Variants in NSRP1 observed in about 807,000 individuals in gnomAD.
NSRP1 encodes the protein nuclear speckle splicing regulatory protein 1.
NSRP1 carries 24 observed loss-of-function variants against 54.7 expected under a neutral mutation model. The ratio of observed to expected loss-of-function variants is 0.44; its 90% CI spans 0.32 to 0.62. The LOEUF is 0.62. Among genes scored for constraint, NSRP1 ranks in the 20% least tolerant of loss-of-function variants. The probability of loss-of-function intolerance (pLI) is 0.06; values close to 1 mark genes in which losing one functional copy is unlikely to be tolerated. For synonymous variants in NSRP1, 210 were observed against 213.8 expected (o/e 0.98, Z 0.15); for missense variants, 596 against 651.2 (o/e 0.92, Z 0.92).
At chr17:30,121,570 G>GTTTTTTTTTTTTTTTT (rs36072997) in intron 2 of NSRP1, among the ~76,000 whole-genome samples, 1 of 132,788 alleles carries the variant, frequency 7.5e-6, no homozygotes, top group Admixed American at 7.7e-5. Context: ...GTGTGTGTGT[G>GTTTTTTTTTTTTTTTT]TTTTTTTTTT....
chr17:30,172,913 C>CAGAA (rs1328511669), intron 3 of NSRP1, among the ~76,000 whole-genome samples: 3 of 151,086 alleles, frequency 2.0e-5, no homozygotes, highest in Non-Finnish European at 4.4e-5. Context: ...CTCATCTGCC[C>CAGAA]AGAAAGAAGA....
At chr17:30,172,014 T>TCTCTCTCTCTCTCTCTCTCTCACA (rs144705088) in intron 2 of NSRP1, among the ~76,000 whole-genome samples, 10 of 131,170 alleles carry the variant, frequency 7.6e-5, no homozygotes, top group Non-Finnish European at 1.3e-4. Context: ...TCTCTCTCTC[T>TCTCTCTCTCTCTCTCTCTCTCACA]CACATGTTCA....
chr17:30,147,454 G>GGTTTTGTTT (rs2071866861), intron 2 of NSRP1, among the ~76,000 whole-genome samples: 2 of 150,618 alleles, frequency 1.3e-5, no homozygotes, highest in African/African-American at 4.9e-5. Flanking sequence ...TTGGTTGGTT[G>GGTTTTGTTT]GTTTTGTTTG....
intron 2 of NSRP1, among the ~76,000 whole-genome samples, chr17:30,171,972 A>ACACACACTCT (rs1169988659): frequency 2.1e-5 from 1 of 46,584 alleles, no homozygotes; most frequent in Non-Finnish European, 5.3e-5. Context: ...ACACACACAC[A>ACACACACTCT]CTCCCTCTCT....
intron 2 of NSRP1, among the ~76,000 whole-genome samples, chr17:30,119,664 G>A (rs1296661155): frequency 1.3e-5 from 2 of 151,948 alleles, no homozygotes; most frequent in Non-Finnish European, 2.9e-5. Flanking sequence ...CACCACGCCT[G>A]GCTAATTCTT....
intron 5 of NSRP1, among the ~76,000 whole-genome samples, chr17:30,180,330 T>G (rs1905253181): frequency 6.6e-6 from 1 of 151,958 alleles, no homozygotes; most frequent in Admixed American, 6.6e-5. Context: ...ATAATTTTTA[T>G]ATTTTTATAG....
At chr17:30,162,146 T>C (rs964957350) in intron 2 of NSRP1, among the ~76,000 whole-genome samples, 2 of 151,750 alleles carry the variant, frequency 1.3e-5, no homozygotes, top group Non-Finnish European at 2.9e-5. Flanking sequence ...TGCCTCAGCC[T>C]CCCAAGTAGC....
At chr17:30,155,440 A>G (rs75586728) in intron 2 of NSRP1, among the ~76,000 whole-genome samples, 3,536 of 152,300 alleles carry the variant, frequency 0.023, 133 homozygotes, top group African/African-American at 0.081. Context: ...CCAATTCTAG[A>G]AAATTACCAG....
rs150361776 is a variant in NSRP1 at position 30,151,643 on chromosome 17, G to A, written c.115-20899G>A. On this transcript the variant is annotated intron_variant, in intron 2 of 6. Coordinates refer to ENST00000247026, the MANE Select transcript of NSRP1 (RefSeq NM_032141.4). The stretch of plus-strand genomic sequence containing the variant: ...GCCAGAGACAGAAGAGGTGGAGGAG[G>A]TGAAAGGTGAGGCAGGCACATTGGG... Among the ~76,000 whole-genome samples the A allele has an allele frequency of 2.2e-3, 339 of 152,230 alleles. 3 individuals are homozygous for A. The highest frequency in any genetic ancestry group is 0.01 in the Middle Eastern group (3 of 294).
intron 2 of NSRP1, among the ~76,000 whole-genome samples, chr17:30,163,611 A>T (rs1904616430): frequency 6.6e-6 from 1 of 152,084 alleles, no homozygotes; most frequent in Admixed American, 6.6e-5. Context: ...GAAGGGAGAA[A>T]AAAACTAAGA....
intron 3 of NSRP1, 174 bp from the exon 4 acceptor site, chr17:30,177,897 A>G (rs1363306777): frequency 1.4e-6 from 1 of 740,692 alleles, no homozygotes; most frequent in East Asian, 2.8e-5. Flanking sequence ...GTGTAGAGCC[A>G]GCATTCATAC....
chr17:30,125,315 A>G (rs1181290633), intron 2 of NSRP1, among the ~76,000 whole-genome samples: 1 of 152,244 alleles, frequency 6.6e-6, no homozygotes, highest in African/African-American at 2.4e-5. Context: ...TAGAAGAAAG[A>G]TAATTTCTTA....
intron 2 of NSRP1, among the ~76,000 whole-genome samples, chr17:30,168,609 TAAATA>T (rs574810527): frequency 1.2e-4 from 18 of 148,854 alleles, no homozygotes; most frequent in Admixed American, 3.4e-4. Context: ...ATAATAATAA[TAAATA>T]AAATAAAATA....
Position 30,185,581 on chromosome 17 carries a change from T to C in NSRP1, c.1584T>C (p.Asn528=), listed in dbSNP as rs773031108. ...EAVSKFAKRN[N]EETVMSARDR... The stretch of plus-strand genomic sequence containing the variant: ...TGAGCAAGTTTGCAAAGCGGAACAA[T>C]GAAGAAACTGTAATGTCAGCTAGAG... The change falls in exon 7 of 7, where the codon AAT becomes AAC. Residue 528 remains asparagine, a synonymous_variant. Coordinates refer to ENST00000247026, the MANE Select transcript of NSRP1 (RefSeq NM_032141.4). The C allele has an allele frequency of 2.0e-5, 32 of 1,613,926 alleles. No homozygotes were observed. Among genetic ancestry groups the C allele is most frequent in the Non-Finnish European group, 2.6e-5 (31 of 1,179,974 alleles).
intron 2 of NSRP1, among the ~76,000 whole-genome samples, chr17:30,142,964 C>T (rs757331701): frequency 6.6e-6 from 1 of 152,116 alleles, no homozygotes; most frequent in Non-Finnish European, 1.5e-5. Context: ...AATCTCATTG[C>T]ACTCTTTTTA....
At chr17:30,127,761 AAG>A in intron 2 of NSRP1, 1 of 361,868 alleles carries the variant, frequency 2.8e-6, no homozygotes, top group Non-Finnish European at 4.9e-6. Flanking sequence ...ACCACTTTAA[AAG>A]AGAGTATTAA....
intron 2 of NSRP1, among the ~76,000 whole-genome samples, chr17:30,127,479 A>G (rs1383511167): frequency 6.6e-6 from 1 of 152,194 alleles, no homozygotes; most frequent in Non-Finnish European, 1.5e-5. Context: ...CAGTGGTATG[A>G]TCACGGCTCA....
In NSRP1 at chr17:30,172,577, T is replaced by A. The variant is rs1453303015; in HGVS notation, c.150T>A (p.Ala50=). The A allele has an allele frequency of 6.2e-7, 1 of 1,610,660 alleles. No individual in the cohort carries two copies. Among genetic ancestry groups the A allele is most frequent in the East Asian group, 2.2e-5 (1 of 44,758 alleles). Residue 50 remains alanine, a synonymous_variant, in exon 3 of 7, where the codon GCT becomes GCA. Transcript: ENST00000247026. ...SVSESLQREA[A]KKQAMKQTKL... is the part of the protein sequence containing the mutation. The stretch of plus-strand genomic sequence containing the variant: ...GTGAAAGCCTTCAGAGGGAAGCTGC[T>A]AAGAAGCAGGCCATGAAACAGGTAA...
chr17:30,142,264 A>G (rs970767589), intron 2 of NSRP1, among the ~76,000 whole-genome samples: 2 of 152,142 alleles, frequency 1.3e-5, no homozygotes, highest in Non-Finnish European at 2.9e-5. Flanking sequence ...GGTTTTTTTA[A>G]ATGTATTTCA....
Sources: allele counts gnomAD v4.1 joint callset (sites outside exome capture counted in the v4.1 genomes callset), GRCh38; gene constraint gnomAD v4.1.1; transcripts MANE v1.5; gene names NCBI Gene and HGNC (gene_info 2026-07-23, HGNC 2026-07-21).